Variants in SEC63 observed in about 807,000 individuals in gnomAD.
SEC63 encodes SEC63 protein translocation regulator.
SEC63 carries 56 observed loss-of-function variants against 116.2 expected under a neutral mutation model. The ratio of observed to expected loss-of-function variants is 0.48; its 90% CI spans 0.39 to 0.60. The LOEUF is 0.60. SEC63 is among the 20% of genes least tolerant of loss of function. The pLI is 0.00. For missense variants in SEC63, 668 were observed against 900.0 expected, an observed-to-expected ratio of 0.74 and a Z score of 3.30; for synonymous variants, 273 against 294.6, an observed-to-expected ratio of 0.93 and a Z score of 0.75.
At chr6:107,915,329 A>C (rs2114465213) in intron 4 of SEC63, among the ~76,000 whole-genome samples, 1 of 152,182 alleles carries the variant, frequency 6.6e-6, no homozygotes. Flanking sequence ...AAGACACATA[A>C]ATTTTGTATA....
chr6:107,946,237 T>C (rs762244280), intron 1 of SEC63, among the ~76,000 whole-genome samples: 1 of 146,306 alleles, frequency 6.8e-6, no homozygotes, highest in Non-Finnish European at 1.5e-5. Flanking sequence ...ACCTGACCTA[T>C]TTTTTATTTT....
Position 107,906,495 on chromosome 6 carries a change from A to G in SEC63, c.914T>C (p.Leu305Ser). 1 of 1,614,128 alleles carries G rather than the reference A, an allele frequency of 6.2e-7. No individual in the cohort carries two copies. The highest frequency in any genetic ancestry group is 8.5e-7 in the Non-Finnish European group (1 of 1,179,962). The change falls in exon 10 of 21, where the codon TTA (leucine) becomes TCA (serine). Residue 305 changes from leucine to serine, a missense_variant. Coordinates refer to ENST00000369002, the MANE Select transcript of SEC63 (RefSeq NM_007214.5). ...CPYSLKARVL[L>S]LSHLARMKIP... is the part of the protein sequence containing the mutation. Reference sequence around the variant, plus strand: ...TTTCATTCTAGCAAGATGAGACAGTAAAAGAACTCTGGCCTTCAGGCTATA... The same window carrying G: ...TTTCATTCTAGCAAGATGAGACAGTGAAAGAACTCTGGCCTTCAGGCTATA...
chr6:107,881,694 T>C (rs533156158), intron 17 of SEC63, among the ~76,000 whole-genome samples: 20 of 152,274 alleles, frequency 1.3e-4, no homozygotes, highest in African/African-American at 4.8e-4. Context: ...ATAAATTTCC[T>C]TCTACCTCAG....
At chr6:107,944,565 T>C (rs1001585054) in intron 1 of SEC63, among the ~76,000 whole-genome samples, 2 of 152,002 alleles carry the variant, frequency 1.3e-5, no homozygotes, top group Non-Finnish European at 2.9e-5. Flanking sequence ...CAGGTGGTGG[T>C]GTATGCCTGT....
intron 1 of SEC63, among the ~76,000 whole-genome samples, chr6:107,929,743 T>G (rs759642953): frequency 6.6e-6 from 1 of 152,222 alleles, no homozygotes; most frequent in Non-Finnish European, 1.5e-5. Context: ...GTGACCATTT[T>G]GGAAATGAGA....
chr6:107,925,989 TG>T (rs1202559175), intron 2 of SEC63, among the ~76,000 whole-genome samples: 1 of 152,184 alleles, frequency 6.6e-6, no homozygotes, highest in African/African-American at 2.4e-5. Flanking sequence ...GGCTAATTTT[TG>T]TATTTTTAGT....
chr6:107,900,117 G>C (rs1786965584), intron 13 of SEC63, among the ~76,000 whole-genome samples: 1 of 152,026 alleles, frequency 6.6e-6, no homozygotes. Context: ...TACAATGTCT[G>C]TGTCATTCAC....
At chr6:107,954,036 C>G (rs1770649663) in intron 1 of SEC63, among the ~76,000 whole-genome samples, 1 of 152,164 alleles carries the variant, frequency 6.6e-6, no homozygotes, top group Non-Finnish European at 1.5e-5. Flanking sequence ...AGGGGAAAGG[C>G]AGGGAAAGGA....
chr6:107,887,906 T>C (rs534086898), intron 16 of SEC63, among the ~76,000 whole-genome samples: 1 of 152,310 alleles, frequency 6.6e-6, no homozygotes, highest in African/African-American at 2.4e-5. Context: ...TGGTTGTAGA[T>C]GTGTGGCATT....
chr6:107,886,203 G>A (rs937603303), intron 16 of SEC63, among the ~76,000 whole-genome samples: 4 of 152,104 alleles, frequency 2.6e-5, no homozygotes, highest in African/African-American at 9.7e-5. Context: ...CCTTTTTTAT[G>A]GCTGCATAGT....
intron 1 of SEC63, among the ~76,000 whole-genome samples, chr6:107,945,867 A>C (rs1163066690): frequency 6.6e-6 from 1 of 152,196 alleles, no homozygotes; most frequent in African/African-American, 2.4e-5. Context: ...GATATGCAAC[A>C]AGATGTTTAA....
chr6:107,911,594 A>G (rs1370499037), intron 6 of SEC63, among the ~76,000 whole-genome samples, 198 bp from the exon 7 acceptor site: 1 of 152,226 alleles, frequency 6.6e-6, no homozygotes, highest in Non-Finnish European at 1.5e-5. Flanking sequence ...AACCTGCAGT[A>G]CACATGGGTT....
At chr6:107,953,315 G>T (rs1350294717) in intron 1 of SEC63, among the ~76,000 whole-genome samples, 1 of 152,248 alleles carries the variant, frequency 6.6e-6, no homozygotes, top group Non-Finnish European at 1.5e-5. Flanking sequence ...GTACTACGGG[G>T]GTCCTCATCT....
chr6:107,928,990 A>T (rs1444058616), intron 2 of SEC63, among the ~76,000 whole-genome samples: 1 of 152,236 alleles, frequency 6.6e-6, no homozygotes, highest in Non-Finnish European at 1.5e-5. Flanking sequence ...GTTAATACAG[A>T]ATTAAATTAG....
chr6:107,940,061 T>G (rs1042933552), intron 1 of SEC63, among the ~76,000 whole-genome samples: 37 of 152,128 alleles, frequency 2.4e-4, no homozygotes, highest in African/African-American at 8.2e-4. Flanking sequence ...GGATACACAA[T>G]CACAGATTAC....
chr6:107,934,308 G>GA (rs1257647967), intron 1 of SEC63, among the ~76,000 whole-genome samples: 1 of 150,756 alleles, frequency 6.6e-6, no homozygotes, highest in African/African-American at 2.4e-5. Flanking sequence ...TCCCATCTAG[G>GA]AAGTGAGGAG....
In SEC63 at chr6:107,869,171, A is replaced by G. The variant is rs1281105217; in HGVS notation, c.*2533T>C. The G allele has an allele frequency of 6.6e-6, 1 of 152,166 alleles. No homozygotes were observed. The highest frequency in any genetic ancestry group is 2.4e-5 in the African/African-American group (1 of 41,414). 9.4% of individuals were successfully genotyped at this position (152,166 alleles called of 1,614,324 possible). A position where few individuals can be genotyped will look rare whatever the true frequency, so the allele number is the denominator to read the frequency against. ...GAGCAGAAGGTATTGTTCTACACAG[A>G]GAACTTCACTCAATGTGCTCCCTAA... On this transcript the variant is annotated 3_prime_UTR_variant, in exon 21 of 21. Transcript: ENST00000369002.
intron 1 of SEC63, among the ~76,000 whole-genome samples, chr6:107,934,707 C>T (rs1479975657): frequency 2.1e-4 from 6 of 28,262 alleles, no homozygotes; most frequent in Non-Finnish European, 4.2e-4. Flanking sequence ...CCGCCCCGTC[C>T]GGCAGGGAGG....
intron 4 of SEC63, among the ~76,000 whole-genome samples, chr6:107,920,524 A>T (rs2114474449): frequency 6.6e-6 from 1 of 152,254 alleles, no homozygotes; most frequent in South Asian, 2.1e-4. Flanking sequence ...GGAAACAAAA[A>T]AATTTGTGAC....
Sources: allele counts gnomAD v4.1 joint callset (sites outside exome capture counted in the v4.1 genomes callset), GRCh38; gene constraint gnomAD v4.1.1; transcripts MANE v1.5; gene names NCBI Gene and HGNC (gene_info 2026-07-23, HGNC 2026-07-21).